Variants in PLXNA4 observed in about 807,000 individuals in gnomAD.
PLXNA4 encodes the protein plexin A4.
A neutral mutation model predicts 191.8 loss-of-function variants in PLXNA4; 44 were observed. That is an observed-to-expected ratio of 0.23 (90% CI 0.18 to 0.29). The LOEUF is 0.29. PLXNA4 is among the 10% of genes least tolerant of loss of function. PLXNA4 has a pLI of 1.00. For missense variants in PLXNA4, 1,800 were observed against 2,488.8 expected (o/e 0.72, Z 5.89); for synonymous variants, 1,082 against 1,009.5 (o/e 1.07, Z -1.36).
chr7:132,285,658 C>T (rs920347594), intron 4 of PLXNA4, among the ~76,000 whole-genome samples: 5 of 152,316 alleles, frequency 3.3e-5, no homozygotes, highest in South Asian at 2.1e-4. Context: ...AACTAGTCAT[C>T]GTGAACAAGG....
intron 29 of PLXNA4, among the ~76,000 whole-genome samples, chr7:132,143,375 A>G (rs1795326164): frequency 6.6e-6 from 1 of 152,196 alleles, no homozygotes; most frequent in Admixed American, 6.5e-5. Flanking sequence ...CAAGGACATT[A>G]TGGCACCCCT....
intron 3 of PLXNA4, among the ~76,000 whole-genome samples, chr7:132,430,440 G>C (rs1301895410): frequency 6.6e-6 from 1 of 152,118 alleles, no homozygotes; most frequent in Non-Finnish European, 1.5e-5. Flanking sequence ...TGCAAGCAGA[G>C]AGGAGGGAGA....
intron 2 of PLXNA4, among the ~76,000 whole-genome samples, chr7:132,587,525 G>A (rs1802524672): frequency 6.6e-6 from 1 of 152,220 alleles, no homozygotes; most frequent in African/African-American, 2.4e-5. Context: ...TGTCTCTAGA[G>A]GTTTGAGACG....
intron 24 of PLXNA4, among the ~76,000 whole-genome samples, chr7:132,160,040 C>G (rs1372080204): frequency 6.6e-6 from 1 of 152,166 alleles, no homozygotes; most frequent in Admixed American, 6.5e-5. Context: ...CAGCGGCACA[C>G]CCAGACCCTC....
chr7:132,642,950 C>T (rs1428428974), intron 2 of PLXNA4, among the ~76,000 whole-genome samples: 2 of 151,578 alleles, frequency 1.3e-5, no homozygotes, highest in Non-Finnish European at 2.9e-5. Context: ...TTTACACATG[C>T]TTATATGTGC....
chr7:132,269,101 T>G (rs1247573349), intron 4 of PLXNA4, among the ~76,000 whole-genome samples: 2 of 152,060 alleles, frequency 1.3e-5, no homozygotes, highest in African/African-American at 4.8e-5. Context: ...CTCTCCACAT[T>G]GGGTCCCTCA....
At chr7:132,584,837 A>G (rs796444685) in intron 2 of PLXNA4, among the ~76,000 whole-genome samples, 2 of 152,318 alleles carry the variant, frequency 1.3e-5, no homozygotes, top group African/African-American at 4.8e-5. Context: ...CTAGTTGAAA[A>G]TGAACAAAAA....
chr7:132,318,068 T>G (rs1802015246), intron 3 of PLXNA4, among the ~76,000 whole-genome samples: 2 of 152,060 alleles, frequency 1.3e-5, no homozygotes, highest in African/African-American at 4.8e-5. Context: ...TCCCAAGTGG[T>G]TTTGACATAA....
intron 1 of PLXNA4, among the ~76,000 whole-genome samples, chr7:132,545,413 G>T (rs1176932504): frequency 6.6e-6 from 1 of 152,194 alleles, no homozygotes; most frequent in African/African-American, 2.4e-5. Context: ...CCAGCACCTG[G>T]CACAATACCT....
intron 2 of PLXNA4, among the ~76,000 whole-genome samples, chr7:132,617,158 C>T (rs150527615): frequency 6.6e-6 from 1 of 152,286 alleles, no homozygotes; most frequent in African/African-American, 2.4e-5. Context: ...TTGTAAAGAA[C>T]CCGATTGCCA....
intron 25 of PLXNA4, among the ~76,000 whole-genome samples, chr7:132,156,276 C>A (rs898159986): frequency 2.6e-5 from 4 of 152,116 alleles, no homozygotes; most frequent in Non-Finnish European, 4.4e-5. Flanking sequence ...CTGCACAAGT[C>A]TGGCGAGGGA....
intron 1 of PLXNA4, among the ~76,000 whole-genome samples, chr7:132,563,806 C>A (rs1295965752): frequency 1.3e-5 from 1 of 77,696 alleles, no homozygotes; most frequent in East Asian, 4.3e-4. Flanking sequence ...CCTCCTCCTT[C>A]TCCTCCTCCT....
At chr7:132,536,466 G>T (rs1288329957) in intron 1 of PLXNA4, among the ~76,000 whole-genome samples, 1 of 152,134 alleles carries the variant, frequency 6.6e-6, no homozygotes, top group Non-Finnish European at 1.5e-5. Context: ...ATAGAACGAC[G>T]ACCTCAGTGG....
At chr7:132,245,285 A>G (rs1277812774) in intron 4 of PLXNA4, among the ~76,000 whole-genome samples, 1 of 152,162 alleles carries the variant, frequency 6.6e-6, no homozygotes, top group Non-Finnish European at 1.5e-5. Flanking sequence ...TGTCTCAGAG[A>G]CCACAAAATA....
At chr7:132,400,348 C>T (rs1269250669) in intron 3 of PLXNA4, among the ~76,000 whole-genome samples, 1 of 152,056 alleles carries the variant, frequency 6.6e-6, no homozygotes, top group African/African-American at 2.4e-5. Context: ...GAAGGAGTCC[C>T]TAGGAGGATG....
intron 3 of PLXNA4, among the ~76,000 whole-genome samples, chr7:132,372,252 A>G (rs1804472407): frequency 6.6e-6 from 1 of 152,246 alleles, no homozygotes; most frequent in African/African-American, 2.4e-5. Flanking sequence ...AAAGAAGCAG[A>G]AACAAATGGC....
chr7:132,514,403 G>A (rs942465392), intron 1 of PLXNA4, among the ~76,000 whole-genome samples: 3 of 152,144 alleles, frequency 2.0e-5, no homozygotes, highest in Non-Finnish European at 2.9e-5. Context: ...TGAATGTGAT[G>A]TAAATATGTG....
intron 1 of PLXNA4, among the ~76,000 whole-genome samples, chr7:132,527,550 A>G (rs965934600): frequency 6.6e-6 from 1 of 151,774 alleles, no homozygotes; most frequent in African/African-American, 2.4e-5. Context: ...AAAAAAAAAA[A>G]AAAAAAAAAA....
At chr7:132,447,855 A>T (rs189554900) in intron 3 of PLXNA4, among the ~76,000 whole-genome samples, 123 of 152,144 alleles carry the variant, frequency 8.1e-4, no homozygotes, top group African/African-American at 2.6e-3. Context: ...AACACTTTTT[A>T]AAAAAATTAG....
Sources: allele counts gnomAD v4.1 joint callset (sites outside exome capture counted in the v4.1 genomes callset), GRCh38; gene constraint gnomAD v4.1.1; transcripts MANE v1.5; gene names NCBI Gene and HGNC (gene_info 2026-07-23, HGNC 2026-07-21).